The following MELK variants were observed in gnomAD, a reference collection of about 807,000 sequenced individuals.
The protein encoded by MELK is pEg3 kinase.
MELK carries 81 observed loss-of-function variants against 85.0 expected under a neutral mutation model. The observed-to-expected ratio is 0.95, with a 90% confidence interval of 0.80 to 1.15. The LOEUF (loss-of-function observed/expected upper bound fraction) is 1.15. Ranked by LOEUF, MELK falls within the 50% of genes most tolerant of loss-of-function variation. The probability of loss-of-function intolerance (pLI) is 0.00; values close to 1 mark genes in which losing one functional copy is unlikely to be tolerated. For synonymous variants in MELK, 252 were observed against 265.0 expected, an observed-to-expected ratio of 0.95 and a Z score of 0.48; for missense variants, 754 against 777.5, an observed-to-expected ratio of 0.97 and a Z score of 0.36.
chr9:36,667,750 TC>T (rs1321234665), intron 14 of MELK, among the ~76,000 whole-genome samples: 1 of 152,064 alleles, frequency 6.6e-6, no homozygotes, highest in African/African-American at 2.4e-5. Context: ...TTTTTTCTCT[TC>T]TCTCCTCTTC....
intron 7 of MELK, among the ~76,000 whole-genome samples, chr9:36,604,693 G>A (rs1391934872): frequency 6.6e-6 from 1 of 151,944 alleles, no homozygotes; most frequent in African/African-American, 2.4e-5. Context: ...ACTCAGGCTG[G>A]AGTGCAATGG....
At chr9:36,630,265 G>T in intron 8 of MELK, 34 bp from the exon 9 acceptor site, 1 of 1,538,952 alleles carries the variant, frequency 6.5e-7, no homozygotes. Flanking sequence ...AAGGCTGATT[G>T]AACCTGAATC....
In MELK at chr9:36,608,224, G is replaced by A. The variant is rs576951112; in HGVS notation, c.666+551G>A. 1.1e-3 allele frequency among the ~76,000 whole-genome samples: 146 copies of A among 136,994 alleles called. 1 individual carries two copies. The highest frequency in any genetic ancestry group is 7.7e-4 in the Non-Finnish European group (51 of 65,908). 89.9% of individuals were successfully genotyped at this position (136,994 alleles called of 152,430 possible). A position where few individuals can be genotyped will look rare whatever the true frequency, so the allele number is the denominator to read the frequency against. On this transcript the variant is annotated intron_variant, in intron 8 of 17. Coordinates refer to ENST00000298048, the MANE Select transcript of MELK (RefSeq NM_014791.4). ...GAACCCAGGAGGTGGAGCTTGCAGAGCCGAGATTACGCCACTGCACTCCAG... is the reference window on the plus strand; with the variant it reads ...GAACCCAGGAGGTGGAGCTTGCAGAACCGAGATTACGCCACTGCACTCCAG...
At chr9:36,669,431 C>G in intron 15 of MELK, 25 bp downstream of exon 15, 2 of 1,493,298 alleles carry the variant, frequency 1.3e-6, no homozygotes, top group Non-Finnish European at 1.8e-6. Flanking sequence ...TTTTTAGACT[C>G]TAATCTTTAG....
At chr9:36,615,400 C>T (rs1216248204) in intron 8 of MELK, among the ~76,000 whole-genome samples, 3 of 134,230 alleles carry the variant, frequency 2.2e-5, no homozygotes, top group African/African-American at 8.8e-5. Context: ...GGGGCTGACC[C>T]CCCCACCTCC....
intron 8 of MELK, among the ~76,000 whole-genome samples, chr9:36,612,674 A>C (rs1275777990): frequency 6.6e-6 from 1 of 152,226 alleles, no homozygotes; most frequent in Non-Finnish European, 1.5e-5. Context: ...TTTCTAAATG[A>C]GATTTGCCAG....
chr9:36,642,635 G>T (rs1477740090), intron 10 of MELK, among the ~76,000 whole-genome samples: 1 of 151,724 alleles, frequency 6.6e-6, no homozygotes, highest in East Asian at 1.9e-4. Flanking sequence ...CACCATGCTG[G>T]CCAGGCCAGT....
rs576004413 is a variant in MELK, at chr9:36,578,495, G to A, written c.-38-3149G>A. On this transcript the variant is annotated intron_variant, in intron 1 of 17. Coordinates refer to ENST00000298048, the MANE Select transcript of MELK (RefSeq NM_014791.4). The stretch of plus-strand genomic sequence containing the variant: ...TCATTAGATGTATTTAGTTTGCTGC[G>A]CAAGAGAAACCATACTCTTGAGAAT... Among the ~76,000 whole-genome samples the A allele has an allele frequency of 1.2e-4, 19 of 152,282 alleles. No homozygotes were observed. The South Asian group carries it at 2.9e-3, about 23-fold the overall frequency.
At position 36,665,465 on chromosome 9, in the gene MELK, C is replaced by G; in HGVS notation, c.1292C>G (p.Ser431Cys). Residue 431 changes from serine to cysteine, a missense_variant, in exon 14 of 18, where the codon TCT (serine) becomes TGT (cysteine). Physicochemically the swap from Ser to Cys is moderately radical, Grantham distance 112 (BLOSUM62 -1). Transcript: ENST00000298048. ...AAAGAAAATGTATATACTCCTAAGT[C>G]TGCTGTAAAGAATGAAGAGTACTTT... Reference protein sequence around the residue: ...KNKENVYTPKSAVKNEEYFMF... With the variant: ...KNKENVYTPKCAVKNEEYFMF... 1.9e-6 allele frequency: 3 copies of G among 1,613,128 alleles called. No individual in the cohort carries two copies. Among genetic ancestry groups the G allele is most frequent in the Non-Finnish European group, 2.5e-6 (3 of 1,179,236 alleles).
chr9:36,635,973 T>G (rs1289605816), intron 10 of MELK, among the ~76,000 whole-genome samples: 7 of 151,664 alleles, frequency 4.6e-5, no homozygotes, highest in Non-Finnish European at 1.5e-5. Flanking sequence ...ATTTTTATAT[T>G]TTTAGTAGAG....
At chr9:36,661,726 G>A (rs184237643) in intron 13 of MELK, among the ~76,000 whole-genome samples, 40 of 152,186 alleles carry the variant, frequency 2.6e-4, no homozygotes, top group African/African-American at 9.6e-4. Flanking sequence ...CATGAGGTCA[G>A]GAGATTGAGA....
At chr9:36,615,075 C>G (rs1826474128) in intron 8 of MELK, among the ~76,000 whole-genome samples, 1 of 144,754 alleles carries the variant, frequency 6.9e-6, no homozygotes, top group South Asian at 2.3e-4. Context: ...GGGCTGACCC[C>G]CCCCCCACCT....
At chr9:36,612,396 T>C (rs1826145219) in intron 8 of MELK, among the ~76,000 whole-genome samples, 1 of 151,718 alleles carries the variant, frequency 6.6e-6, no homozygotes, top group Non-Finnish European at 1.5e-5. Context: ...CATCTGGCAA[T>C]TATTTTTGAG....
intron 8 of MELK, among the ~76,000 whole-genome samples, chr9:36,628,505 C>T (rs1201277305): frequency 6.6e-6 from 1 of 152,120 alleles, no homozygotes; most frequent in East Asian, 1.9e-4. Context: ...CTGCGACCTC[C>T]ACCTCCCGGA....
At chr9:36,580,055 T>A (rs1385103610) in intron 1 of MELK, among the ~76,000 whole-genome samples, 1 of 148,276 alleles carries the variant, frequency 6.7e-6, no homozygotes, top group South Asian at 2.1e-4. Flanking sequence ...TTTTTTTTTT[T>A]TTTTTATTTT....
At chr9:36,667,327 C>T (rs1264560381) in intron 14 of MELK, among the ~76,000 whole-genome samples, 13 of 151,822 alleles carry the variant, frequency 8.6e-5, no homozygotes, top group Non-Finnish European at 1.3e-4. Context: ...AGCTAATTTT[C>T]GTATTTTTAG....
chr9:36,592,682 T>G (rs1173283998), intron 4 of MELK, among the ~76,000 whole-genome samples: 1 of 152,178 alleles, frequency 6.6e-6, no homozygotes, highest in Non-Finnish European at 1.5e-5. Flanking sequence ...TCTGAGCACA[T>G]TCAGATATTT....
chr9:36,603,068 G>T (rs1825099379), intron 7 of MELK, among the ~76,000 whole-genome samples: 1 of 152,090 alleles, frequency 6.6e-6, no homozygotes, highest in Admixed American at 6.6e-5. Flanking sequence ...ATTCCTAGAG[G>T]TGATGAGAAT....
chr9:36,623,628 A>G (rs1827657767), intron 8 of MELK, among the ~76,000 whole-genome samples: 1 of 152,216 alleles, frequency 6.6e-6, no homozygotes, highest in South Asian at 2.1e-4. Flanking sequence ...CAATCCTGAG[A>G]TTCTGAGATA....
Sources: gnomAD v4.1 joint callset for allele counts (sites outside exome capture counted in the v4.1 genomes callset) on GRCh38, gnomAD v4.1.1 for gene constraint, MANE v1.5 for transcripts, NCBI Gene and HGNC (gene_info 2026-07-23, HGNC 2026-07-21) for gene names.